ZNF341: variants seen among roughly 807,000 people sequenced by gnomAD.
The protein encoded by ZNF341 is zinc finger protein 341.
Under a neutral mutation model 87.7 loss-of-function variants are expected in ZNF341, and 52 were observed. That is an observed-to-expected ratio of 0.59 (90% CI 0.47 to 0.75). ZNF341 has a LOEUF of 0.75. ZNF341 is among the 30% of genes least tolerant of loss of function. The pLI is 0.00. For missense variants in ZNF341, 977 were observed against 1,145.9 expected (o/e 0.85, Z 2.13); for synonymous variants, 459 against 472.7 (o/e 0.97, Z 0.38).
intron 2 of ZNF341, 124 bp downstream of exon 2, chr20:33,741,136 T>A: frequency 1.1e-6 from 1 of 891,726 alleles, no homozygotes; most frequent in Non-Finnish European, 1.8e-6. Flanking sequence ...CTCTGGTGTC[T>A]GAACCCTCTC....
At chr20:33,762,789 G>A (rs1034353404) in intron 8 of ZNF341, among the ~76,000 whole-genome samples, 1 of 152,056 alleles carries the variant, frequency 6.6e-6, no homozygotes, top group African/African-American at 2.4e-5. Context: ...TACGGTGTTT[G>A]GTTTTCTGTT....
At chr20:33,790,755 A>G (rs1048800835) in intron 14 of ZNF341, among the ~76,000 whole-genome samples, 35 of 152,126 alleles carry the variant, frequency 2.3e-4, no homozygotes, top group Non-Finnish European at 1.5e-4. Context: ...CAGGCAGAGG[A>G]GAATGGCAAG....
At position 33,746,228 on chromosome 20, in the gene ZNF341, C is replaced by CTT. The variant is rs34461652; in HGVS notation, c.339+950_339+951dup. 1.4e-3 allele frequency among the ~76,000 whole-genome samples: 141 copies of CTT among 104,088 alleles called. 1 individual carries two copies. Among genetic ancestry groups the CTT allele is most frequent in the Non-Finnish European group, 1.8e-3 (102 of 55,460 alleles). 68.3% of individuals were successfully genotyped at this position (104,088 alleles called of 152,430 possible). ...ACAGGCGTGAGCCACCGCGCCCGGC[C>CTT]TTTTTTTTTTTTTTTTTTTTTTGAG... On this transcript the variant is annotated intron_variant, in intron 3 of 14. Transcript: ENST00000375200.
chr20:33,770,340 A>AG, intron 10 of ZNF341, 48 bp downstream of exon 10: 20 of 465,468 alleles, frequency 4.3e-5, no homozygotes, highest in East Asian at 1.9e-4. Flanking sequence ...GTGGGTGGGC[A>AG]GGGAGCCCAG....
rs992741907 is a variant in ZNF341, at chr20:33,770,441, G to T, written c.1622+149G>T. The T allele has an allele frequency of 1.3e-5, 10 of 744,674 alleles. No homozygotes were observed. The Admixed American group carries it at 1.7e-4, about 13-fold the overall frequency. The allele number at this position is 744,674 out of a possible 1,614,324, so 46.1% of individuals were successfully genotyped here. On this transcript the variant is annotated intron_variant, in intron 10 of 14. Coordinates refer to ENST00000375200, the MANE Select transcript of ZNF341 (RefSeq NM_001282933.2). The stretch of plus-strand genomic sequence containing the variant: ...CTCCTGGCTGGGGTCCAGCCTGGCA[G>T]AGTGGGTTCTGGGCTTTGGCACTGG...
intron 1 of ZNF341, 69 bp from the exon 2 acceptor site, chr20:33,740,833 G>A: frequency 2.1e-6 from 3 of 1,460,972 alleles, no homozygotes; most frequent in Non-Finnish European, 2.9e-6. Context: ...CCTGGGTCTG[G>A]CTTGTAAGGG....
chr20:33,789,707 A>G, intron 14 of ZNF341, 119 bp downstream of exon 14: 1 of 1,108,358 alleles, frequency 9.0e-7, no homozygotes, highest in Non-Finnish European at 1.3e-6. Flanking sequence ...TGCCTGGCAC[A>G]TTCCAGCCAG....
At chr20:33,767,836 T>A (rs535066704) in intron 9 of ZNF341, among the ~76,000 whole-genome samples, 2 of 152,314 alleles carry the variant, frequency 1.3e-5, no homozygotes, top group East Asian at 1.9e-4. Flanking sequence ...AGCGTTGGGC[T>A]TATATAGAGC....
chr20:33,733,715 G>C (rs963943103), intron 1 of ZNF341, among the ~76,000 whole-genome samples: 1 of 152,176 alleles, frequency 6.6e-6, no homozygotes, highest in African/African-American at 2.4e-5. Context: ...CCAGGAAATG[G>C]GGGGCGGGGT....
At chr20:33,744,933 T>G (rs1294419920) in intron 2 of ZNF341, among the ~76,000 whole-genome samples, 170 bp from the exon 3 acceptor site, 2 of 152,212 alleles carry the variant, frequency 1.3e-5, no homozygotes, top group Non-Finnish European at 2.9e-5. Context: ...ACATAGTTGA[T>G]GGCTGACACC....
At chr20:33,778,965 T>G (rs1341309159) in intron 10 of ZNF341, among the ~76,000 whole-genome samples, 3 of 152,184 alleles carry the variant, frequency 2.0e-5, no homozygotes, top group Non-Finnish European at 2.9e-5. Flanking sequence ...GAGGACATGT[T>G]TATGAGCTGT....
chr20:33,760,642 C>T (rs1270116720), intron 7 of ZNF341, among the ~76,000 whole-genome samples: 1 of 152,020 alleles, frequency 6.6e-6, no homozygotes, highest in South Asian at 2.1e-4. Context: ...CTCCCAGGCT[C>T]AAGCAATCCT....
At position 33,745,110 on chromosome 20, in the gene ZNF341, G is replaced by T. The variant is rs577699019; in HGVS notation, c.150G>T (p.Glu50Asp). The T allele has an allele frequency of 1.3e-3, 2,088 of 1,609,806 alleles. 36 individuals are homozygous for T. The South Asian group carries it at 0.022, about 17-fold the overall frequency. ...APPAIQPLDD[E>D]DVFLCGKCKK... ...CTGCGGGTATGACCCCAGATGACGAGGATGTATTTCTCTGCGGGAAGTGTA... is the reference window on the plus strand; with the variant it reads ...CTGCGGGTATGACCCCAGATGACGATGATGTATTTCTCTGCGGGAAGTGTA... The change falls in exon 3 of 15, where the codon GAG (glutamate) becomes GAT (aspartate). Residue 50 changes from glutamate (E) to aspartate (D), a missense_variant. Glu to Asp is a conservative substitution (Grantham distance 45). Transcript: ENST00000375200.
rs1291341786 is a variant in ZNF341, at chr20:33,767,001, T to C, written c.1373T>C (p.Phe458Ser). The change falls in exon 9 of 15, where the codon TTC becomes TCC. Residue 458 changes from phenylalanine (F) to serine (S), a missense_variant. This residue lies in a region of ZNF341 where 241 missense variants were observed against 335.0 expected (regional missense o/e 0.72). Coordinates refer to ENST00000375200, the MANE Select transcript of ZNF341 (RefSeq NM_001282933.2). ...QFCPSKFSTY[F>S]QLKSHMTQHK... ...TGCCCCAGCAAATTCAGCACCTACT[T>C]CCAGCTCAAGTCTCACATGACCCAG... is the stretch of plus-strand genomic sequence containing the variant. 6.2e-7 allele frequency: 1 copy of C among 1,614,052 alleles called. No individual in the cohort carries two copies. The highest frequency in any genetic ancestry group is 1.1e-5 in the South Asian group (1 of 91,082).
intron 7 of ZNF341, among the ~76,000 whole-genome samples, chr20:33,759,032 G>A (rs1332044122): frequency 6.6e-6 from 1 of 152,234 alleles, no homozygotes; most frequent in African/African-American, 2.4e-5. Context: ...GGGAAGGTCA[G>A]GGATGGGCCG....
At chr20:33,766,193 AATT>A (rs1485515756) in intron 8 of ZNF341, among the ~76,000 whole-genome samples, 1 of 149,956 alleles carries the variant, frequency 6.7e-6, no homozygotes, top group South Asian at 2.1e-4. Flanking sequence ...TGATGATTAC[AATT>A]ATTATTATTA....
intron 10 of ZNF341, among the ~76,000 whole-genome samples, chr20:33,777,151 C>CAA (rs58139073): frequency 0.012 from 530 of 42,618 alleles, 3 homozygotes; most frequent in African/African-American, 0.031. Flanking sequence ...CCGTCTTTAC[C>CAA]AAAAAAAAAA....
rs565324951 is a variant in ZNF341, at chr20:33,781,409, T to C, written c.1719+22T>C. 14 of 1,608,130 alleles carry C rather than the reference T, an allele frequency of 8.7e-6. 1 individual carries two copies. The South Asian group carries it at 1.5e-4, about 18-fold the overall frequency. On this transcript the variant is annotated intron_variant, in intron 11 of 14. Coordinates refer to ENST00000375200, the MANE Select transcript of ZNF341 (RefSeq NM_001282933.2). ...GAAGGTGGGTGCCACTGTCCTCTTT[T>C]CTGGGGCCTAGGCTATAATAAGGGC... is the stretch of plus-strand genomic sequence containing the variant.
At chr20:33,790,365 C>T (rs1435204831) in intron 14 of ZNF341, among the ~76,000 whole-genome samples, 5 of 152,094 alleles carry the variant, frequency 3.3e-5, no homozygotes, top group Admixed American at 1.3e-4. Flanking sequence ...GAGCCACCGG[C>T]GCCTGGCCTG....
Sources: gnomAD v4.1 joint callset for allele counts (sites outside exome capture counted in the v4.1 genomes callset) on GRCh38, gnomAD v4.1.1 for gene constraint, gnomAD v4.1.1 regional missense constraint, MANE v1.5 for transcripts, NCBI Gene and HGNC (gene_info 2026-07-23, HGNC 2026-07-21) for gene names.